Variants in TLN2 observed in about 807,000 individuals in gnomAD.
TLN2 encodes the protein talin 2, also known as talin-2.
Under a neutral mutation model 294.7 loss-of-function variants are expected in TLN2, and 118 were observed. That is an observed-to-expected ratio of 0.40 (90% confidence interval 0.34 to 0.47). TLN2 has a LOEUF of 0.47. Ranked by LOEUF, TLN2 falls within the 20% of genes least tolerant of loss-of-function variation. The probability of loss-of-function intolerance (pLI) is 0.84; values close to 1 mark genes in which losing one functional copy is unlikely to be tolerated. For synonymous variants in TLN2, 1,431 were observed against 1,304.5 expected, an observed-to-expected ratio of 1.10 and a Z score of -2.09; for missense variants, 3,083 against 3,282.2, an observed-to-expected ratio of 0.94 and a Z score of 1.48.
intron 2 of TLN2, among the ~76,000 whole-genome samples, chr15:62,609,483 G>A (rs1276480822): frequency 6.6e-6 from 1 of 152,180 alleles, no homozygotes; most frequent in Non-Finnish European, 1.5e-5. Context: ...CCTTCAGGCT[G>A]GAACAGTTCA....
At chr15:62,812,874 G>A (rs1234116186) in intron 52 of TLN2, among the ~76,000 whole-genome samples, 1 of 152,240 alleles carries the variant, frequency 6.6e-6, no homozygotes, top group Non-Finnish European at 1.5e-5. Flanking sequence ...GAACATTATA[G>A]AAGGTCTAGG....
At position 62,580,909 on chromosome 15, in the gene TLN2, G is replaced by T. The variant is rs192437187; in HGVS notation, c.-237-8778G>T. ...TTTTTTTTTTTCTTTTTGAGACAGA[G>T]TTTCGGTCTTGTTGCCTAGGCTGGA... On this transcript the variant is annotated intron_variant, in intron 1 of 58. Coordinates refer to ENST00000636159, the MANE Select transcript of TLN2 (RefSeq NM_015059.3). 8.2e-3 allele frequency among the ~76,000 whole-genome samples: 1,201 copies of T among 146,212 alleles called. 11 individuals are homozygous for T. The highest frequency in any genetic ancestry group is 0.011 in the Non-Finnish European group (745 of 67,012).
intron 4 of TLN2, among the ~76,000 whole-genome samples, chr15:62,648,856 A>G (rs557216102): frequency 6.6e-6 from 1 of 151,216 alleles, no homozygotes; most frequent in East Asian, 1.9e-4. Flanking sequence ...GACGATTATT[A>G]TTTTTTGAGA....
At chr15:62,449,176 C>A (rs1050036681) in intron 1 of TLN2, among the ~76,000 whole-genome samples, 1 of 152,106 alleles carries the variant, frequency 6.6e-6, no homozygotes, top group African/African-American at 2.4e-5. Context: ...GAAGCCCTGG[C>A]GATGCAGCAA....
rs758615901 is a variant in TLN2 at position 62,838,824 on chromosome 15, A to G, written c.7375-32A>G. On this transcript the variant is annotated intron_variant, in intron 57 of 58. Coordinates refer to ENST00000636159, the MANE Select transcript of TLN2 (RefSeq NM_015059.3). Reference sequence around the variant, plus strand: ...TGCCAGGCCCAAATGGCTGTTTCTAATGATATAATGTATGTTTTGTTCACT... The same window carrying G: ...TGCCAGGCCCAAATGGCTGTTTCTAGTGATATAATGTATGTTTTGTTCACT... The G allele has an allele frequency of 1.7e-5, 28 of 1,600,642 alleles. 1 individual carries two copies. The South Asian group carries it at 2.0e-4, about 11-fold the overall frequency.
intron 52 of TLN2, among the ~76,000 whole-genome samples, chr15:62,813,376 C>T (rs2066844760): frequency 6.6e-6 from 1 of 152,084 alleles, no homozygotes. Context: ...TCTCTAAGGC[C>T]ATTCAGAGGT....
chr15:62,573,944 ACT>A (rs1473393289), intron 1 of TLN2, among the ~76,000 whole-genome samples: 1 of 151,340 alleles, frequency 6.6e-6, no homozygotes, highest in African/African-American at 2.4e-5. Context: ...CAGCCGCCTG[ACT>A]CCCTGCACAT....
chr15:62,722,383 G>A lies in TLN2; in HGVS notation c.3022G>A (p.Ala1008Thr). Residue 1008 changes from alanine (A) to threonine (T), a missense_variant, in exon 26 of 59, where the codon GCC becomes ACC. Coordinates refer to ENST00000636159, the MANE Select transcript of TLN2 (RefSeq NM_015059.3). ...AAGCAAGATGGTGTCCTCTGCCAAAGCCGCAGTGCCCACCGTGAGTGACCA... is the reference window on the plus strand; with the variant it reads ...AAGCAAGATGGTGTCCTCTGCCAAAACCGCAGTGCCCACCGTGAGTGACCA... Reference protein sequence around the residue: ...PGSKMVSSAKAAVPTVSDQAA... With the variant: ...PGSKMVSSAKTAVPTVSDQAA... 1.9e-6 allele frequency: 3 copies of A among 1,612,722 alleles called. No homozygotes were observed. Among genetic ancestry groups the A allele is most frequent in the Non-Finnish European group, 2.5e-6 (3 of 1,179,020 alleles).
rs139215109 is a variant in TLN2 at position 62,534,313 on chromosome 15, A to G, written c.-237-55374A>G. On this transcript the variant is annotated intron_variant, in intron 1 of 58. Coordinates refer to ENST00000636159, the MANE Select transcript of TLN2 (RefSeq NM_015059.3). ...AAGACTACTCTCCACTTGAGATGCC[A>G]GTGGCCAGCACAGATTGTGGCCTGA... 1.2e-4 allele frequency among the ~76,000 whole-genome samples: 18 copies of G among 152,336 alleles called. No homozygotes were observed. In the East Asian group the frequency reaches 3.5e-3, roughly 29 times the overall value.
At chr15:62,798,973 A>C (rs1175833527) in intron 48 of TLN2, among the ~76,000 whole-genome samples, 1 of 152,162 alleles carries the variant, frequency 6.6e-6, no homozygotes, top group East Asian at 1.9e-4. Flanking sequence ...AATCACTTGA[A>C]CCCAGGAGGT....
intron 2 of TLN2, among the ~76,000 whole-genome samples, chr15:62,608,754 G>C (rs2047659420): frequency 6.6e-6 from 1 of 152,026 alleles, no homozygotes; most frequent in Non-Finnish European, 1.5e-5. Context: ...TTGGATAAGG[G>C]GTGCAAGGGA....
intron 42 of TLN2, among the ~76,000 whole-genome samples, chr15:62,776,258 T>G (rs2063715031): frequency 6.6e-6 from 1 of 152,190 alleles, no homozygotes; most frequent in Admixed American, 6.5e-5. Context: ...TCATGGCATA[T>G]AATTTGTGAC....
intron 9 of TLN2, among the ~76,000 whole-genome samples, chr15:62,672,602 T>TCACTGATACTGGCTC (rs2055567459): frequency 6.6e-6 from 1 of 152,210 alleles, no homozygotes; most frequent in South Asian, 2.1e-4. Flanking sequence ...TAATGGGAAT[T>TCACTGATACTGGCTC]CACTGATACT....
intron 1 of TLN2, among the ~76,000 whole-genome samples, chr15:62,581,350 A>C (rs769250839): frequency 5.9e-5 from 9 of 152,162 alleles, no homozygotes; most frequent in Non-Finnish European, 1.3e-4. Context: ...TTAGCACTGA[A>C]TAGTATTCTA....
chr15:62,440,582 C>T (rs971207863), intron 1 of TLN2, among the ~76,000 whole-genome samples: 6 of 152,156 alleles, frequency 3.9e-5, no homozygotes, highest in Non-Finnish European at 7.3e-5. Context: ...TCACTGTCCT[C>T]CTCTGCTTTG....
At chr15:62,565,550 G>A (rs2043323971) in intron 1 of TLN2, among the ~76,000 whole-genome samples, 1 of 152,158 alleles carries the variant, frequency 6.6e-6, no homozygotes, top group Non-Finnish European at 1.5e-5. Flanking sequence ...GCAACAGTTG[G>A]ACCCTTCAAT....
At chr15:62,456,886 G>C (rs1379228531) in intron 1 of TLN2, among the ~76,000 whole-genome samples, 1 of 152,250 alleles carries the variant, frequency 6.6e-6, no homozygotes, top group African/African-American at 2.4e-5. Context: ...GCGGTTCAGG[G>C]CTCCTTGACA....
intron 1 of TLN2, among the ~76,000 whole-genome samples, chr15:62,480,612 T>A (rs2038033426): frequency 6.6e-6 from 1 of 152,196 alleles, no homozygotes; most frequent in South Asian, 2.1e-4. Flanking sequence ...GACAAAGAAG[T>A]AAACATTTAT....
intron 50 of TLN2, among the ~76,000 whole-genome samples, chr15:62,803,809 G>C (rs1374285108): frequency 6.6e-6 from 1 of 152,116 alleles, no homozygotes; most frequent in Non-Finnish European, 1.5e-5. Flanking sequence ...AACTTATTTA[G>C]TTGGTTCAGT....
Sources: allele counts gnomAD v4.1 joint callset (sites outside exome capture counted in the v4.1 genomes callset), GRCh38; gene constraint gnomAD v4.1.1; transcripts MANE v1.5; gene names NCBI Gene and HGNC (gene_info 2026-07-23, HGNC 2026-07-21).